RAD51AP1: variants seen among roughly 807,000 people sequenced by gnomAD.
RAD51AP1 encodes RAD51 associated protein 1.
Under a neutral mutation model 34.3 loss-of-function variants are expected in RAD51AP1, and 14 were observed. The ratio of observed to expected loss-of-function variants is 0.41; its 90% confidence interval spans 0.27 to 0.64. The LOEUF (loss-of-function observed/expected upper bound fraction) is 0.64. Ranked by LOEUF, RAD51AP1 falls within the 30% of genes least tolerant of loss-of-function variation. The pLI is 0.33. For synonymous variants in RAD51AP1, 114 were observed against 129.8 expected, an observed-to-expected ratio of 0.88 and a Z score of 0.83; for missense variants, 348 against 386.9, an observed-to-expected ratio of 0.90 and a Z score of 0.84.
chr12:4,542,902 TAAG>T (rs1488716788), intron 2 of RAD51AP1, among the ~76,000 whole-genome samples: 7 of 152,094 alleles, frequency 4.6e-5, no homozygotes, highest in Admixed American at 2.0e-4. Context: ...TGCAAGAAAA[TAAG>T]AAGTTACTTT....
rs1164604991 is a variant in RAD51AP1 at position 4,545,841 on chromosome 12, T to C, written c.210-468T>C. 9 of 1,610,678 alleles carry C rather than the reference T, an allele frequency of 5.6e-6. No homozygotes were observed. In the Admixed American group the frequency reaches 1.5e-4, roughly 27 times the overall value. ...GCAGTGCCTTGTACAAAGTAAGTGC[T>C]TGGTAAAATATTTGTTAAAGTCTGG... On this transcript the variant is annotated intron_variant, in intron 3 of 8. Transcript: ENST00000352618.
At position 4,543,764 on chromosome 12, in the gene RAD51AP1, T is replaced by C; in HGVS notation, c.69T>C (p.Asp23=). 1 of 1,580,414 alleles carries C rather than the reference T, an allele frequency of 6.3e-7. No homozygotes were observed. Among genetic ancestry groups the C allele is most frequent in the Non-Finnish European group, 8.6e-7 (1 of 1,165,668 alleles). Residue 23 remains aspartate (D), a splice_region_variant and synonymous_variant, in exon 3 of 9, where the codon GAT becomes GAC. Coordinates refer to ENST00000352618, the MANE Select transcript of RAD51AP1 (RefSeq NM_006479.5). ...YSQFDHSDSD[D]DFVSATVPLN... ...TGGTTTTAATTCACACATGAATAGA[T>C]GATTTTGTTTCTGCAACTGTACCTT...
At position 4,548,812 on chromosome 12, in the gene RAD51AP1, G is replaced by A. The variant is rs532505251; in HGVS notation, c.532G>A (p.Asp178Asn). ...AGGCAGTGATGGTGATAGTGCTAAT[G>A]ACACTGAACCAGACTTTGCACCTGG... is the stretch of plus-strand genomic sequence containing the variant. ...LEGSDGDSAN[D>N]TEPDFAPGED... Residue 178 changes from aspartate to asparagine, a missense_variant, in exon 6 of 9, where the codon GAC becomes AAC. Coordinates refer to ENST00000352618, the MANE Select transcript of RAD51AP1 (RefSeq NM_006479.5). 1.2e-6 allele frequency: 2 copies of A among 1,614,054 alleles called. No homozygotes were observed. The highest frequency in any genetic ancestry group is 2.7e-5 in the African/African-American group (2 of 75,054).
At chr12:4,541,128 T>G (rs1944463631) in intron 1 of RAD51AP1, among the ~76,000 whole-genome samples, 1 of 152,200 alleles carries the variant, frequency 6.6e-6, no homozygotes, top group South Asian at 2.1e-4. Flanking sequence ...CTCCAAAATT[T>G]GAAACTTTTG....
rs770168679 is a variant in RAD51AP1 at position 4,548,196 on chromosome 12, A to G, written c.406+18A>G. Reference sequence around the variant, plus strand: ...TTATTTAGGTAAGTTTTTTATATTAATAATTTTTCTCATCAACAATGCTGT... The same window carrying G: ...TTATTTAGGTAAGTTTTTTATATTAGTAATTTTTCTCATCAACAATGCTGT... On this transcript the variant is annotated intron_variant, in intron 5 of 8. Transcript: ENST00000352618. The G allele has an allele frequency of 1.2e-5, 19 of 1,584,406 alleles. No individual in the cohort carries two copies. Among genetic ancestry groups the G allele is most frequent in the Non-Finnish European group, 1.5e-5 (18 of 1,171,654 alleles).
chr12:4,539,091 C>A, intron 1 of RAD51AP1, 135 bp downstream of exon 1: 1 of 943,050 alleles, frequency 1.1e-6, no homozygotes, highest in Non-Finnish European at 1.6e-6. Flanking sequence ...AGAACCCAGT[C>A]TCCAGTGAGA....
chr12:4,557,713 A>G (rs1245899901), intron 8 of RAD51AP1, among the ~76,000 whole-genome samples: 1 of 152,216 alleles, frequency 6.6e-6, no homozygotes, highest in Admixed American at 6.5e-5. Context: ...CATCAAGCAC[A>G]AAGTGCTTAT....
intron 3 of RAD51AP1, chr12:4,545,943 T>G: frequency 7.8e-7 from 1 of 1,290,128 alleles, no homozygotes; most frequent in Non-Finnish European, 1.1e-6. Context: ...TAAAGGGGAG[T>G]GGGTGAGGTC....
chr12:4,547,788 TAC>T (rs955183543), intron 4 of RAD51AP1, among the ~76,000 whole-genome samples: 1 of 152,226 alleles, frequency 6.6e-6, no homozygotes, highest in Non-Finnish European at 1.5e-5. Flanking sequence ...TCTTCTGTAA[TAC>T]CACTGGGTAA....
At chr12:4,543,541 A>T (rs191962030) in intron 2 of RAD51AP1, among the ~76,000 whole-genome samples, 42 of 152,318 alleles carry the variant, frequency 2.8e-4, no homozygotes, top group Non-Finnish European at 3.7e-4. Context: ...TTTTTAGTGA[A>T]TTGGTTTTTG....
intron 8 of RAD51AP1, 24 bp downstream of exon 8, chr12:4,556,526 A>G (rs1436238394): frequency 1.9e-6 from 3 of 1,594,948 alleles, no homozygotes; most frequent in Non-Finnish European, 2.6e-6. Flanking sequence ...ATCATCAAGG[A>G]CAGGAGCTTG....
In RAD51AP1 at chr12:4,543,903, A is replaced by C. The variant is rs200871661; in HGVS notation, c.208A>C (p.Arg70=). ...IPVQEKTPKK[R]MALDDKLYQR... ...AGTACAAGAGAAAACCCCTAAAAAA[A>C]GGTGAGAGGTAAGACATGCAGTAAA... Residue 70 remains arginine (R), a splice_region_variant and synonymous_variant, in exon 3 of 9, where the codon AGG becomes CGG. Coordinates refer to ENST00000352618, the MANE Select transcript of RAD51AP1 (RefSeq NM_006479.5). 5.2e-5 allele frequency: 84 copies of C among 1,605,128 alleles called. No homozygotes were observed. Among genetic ancestry groups the C allele is most frequent in the Non-Finnish European group, 6.6e-5 (78 of 1,175,728 alleles).
intron 5 of RAD51AP1, 143 bp from the exon 6 acceptor site, chr12:4,548,544 G>C (rs991384788): frequency 2.1e-6 from 2 of 956,552 alleles, no homozygotes; most frequent in African/African-American, 3.3e-5. Flanking sequence ...GACCCAGATT[G>C]GGCTAATAGT....
intron 6 of RAD51AP1, among the ~76,000 whole-genome samples, chr12:4,549,543 A>G (rs917015785): frequency 6.6e-6 from 1 of 152,188 alleles, no homozygotes; most frequent in Non-Finnish European, 1.5e-5. Flanking sequence ...TAGGGATACA[A>G]TAGTGAAAAA....
Position 4,556,373 on chromosome 12 carries a change from C to T in RAD51AP1, c.742C>T (p.Pro248Ser), listed in dbSNP as rs1944582928. Reference sequence around the variant, plus strand: ...ATAAGTGACTTCGGTGGACTCTGCTCCAGCTGCCGTCAAATCAGAATCTCA... The same window carrying T: ...ATAAGTGACTTCGGTGGACTCTGCTTCAGCTGCCGTCAAATCAGAATCTCA... ...NALVTSVDSA[P>S]AAVKSESQSL... is the part of the protein sequence containing the mutation. The change falls in exon 8 of 9, where the codon CCA (proline) becomes TCA (serine). Residue 248 changes from proline to serine, a missense_variant. Coordinates refer to ENST00000352618, the MANE Select transcript of RAD51AP1 (RefSeq NM_006479.5). The T allele has an allele frequency of 1.9e-6, 3 of 1,613,328 alleles. No homozygotes were observed. The South Asian group carries it at 3.3e-5, about 18-fold the overall frequency.
chr12:4,542,844 C>T (rs759004279), intron 2 of RAD51AP1, among the ~76,000 whole-genome samples: 1 of 152,224 alleles, frequency 6.6e-6, no homozygotes, highest in African/African-American at 2.4e-5. Context: ...ATTGGTAAGA[C>T]AGAAAAACCT....
rs115035024 is a variant in RAD51AP1, at chr12:4,550,024, G to A, written c.556+1188G>A. Among the ~76,000 whole-genome samples, 274 of 152,292 alleles carry A rather than the reference G, an allele frequency of 1.8e-3. 1 individual carries two copies. Among genetic ancestry groups the A allele is most frequent in the African/African-American group, 6.3e-3 (261 of 41,562 alleles). On this transcript the variant is annotated intron_variant, in intron 6 of 8. Transcript: ENST00000352618. ...TGGATGAGAATAGAAAGGACCATGT[G>A]TGACCTTCATTAGGGAAAGAAAAGA...
At chr12:4,553,307 G>T in intron 7 of RAD51AP1, 160 bp downstream of exon 7, 1 of 538,346 alleles carries the variant, frequency 1.9e-6, no homozygotes, top group South Asian at 2.4e-5. Flanking sequence ...GGAGAAAAGC[G>T]GACAAGAATG....
intron 6 of RAD51AP1, among the ~76,000 whole-genome samples, chr12:4,552,734 G>A (rs994464402): frequency 6.6e-6 from 1 of 152,072 alleles, no homozygotes; most frequent in Non-Finnish European, 1.5e-5. Context: ...TTTAATCCAC[G>A]CAACAACCCT....
Sources: gnomAD v4.1 joint callset for allele counts (sites outside exome capture counted in the v4.1 genomes callset) on GRCh38, gnomAD v4.1.1 for gene constraint, MANE v1.5 for transcripts, NCBI Gene and HGNC (gene_info 2026-07-23, HGNC 2026-07-21) for gene names.